NLRP1: variants seen among roughly 807,000 people sequenced by gnomAD.
The protein encoded by NLRP1 is NLR family pyrin domain containing 1, also known as NACHT, LRR and PYD domains-containing protein 1.
NLRP1 carries 94 observed loss-of-function variants against 136.7 expected under a neutral mutation model. That is an observed-to-expected ratio of 0.69 (90% CI 0.58 to 0.82). The LOEUF is 0.82. NLRP1 is among the 40% of genes least tolerant of loss of function. The pLI is 0.00. For missense variants in NLRP1, 1,575 were observed against 1,802.7 expected (o/e 0.87, Z 2.29); for synonymous variants, 690 against 725.1 (o/e 0.95, Z 0.78).
At chr17:5,552,690 C>T (rs1049904107) in intron 5 of NLRP1, among the ~76,000 whole-genome samples, 15 of 152,192 alleles carry the variant, frequency 9.9e-5, no homozygotes, top group African/African-American at 3.6e-4. Context: ...AGCTCTCTTA[C>T]ATCTAGCCAC....
Position 5,517,930 on chromosome 17 carries a change from A to G in NLRP1, c.3916-43T>C, listed in dbSNP as rs199667505. 64 of 1,608,238 alleles carry G rather than the reference A, an allele frequency of 4.0e-5. No homozygotes were observed. In the South Asian group the frequency reaches 4.7e-4, roughly 12 times the overall value. On this transcript the variant is annotated intron_variant, in intron 14 of 16. Transcript: ENST00000572272. ...TGAGTTGCCACCCTGTTCATCTTGC[A>G]TGGAAGGTCTTTCCCCACCTGACAC...
chr17:5,561,903 CA>C (rs1914796969), intron 3 of NLRP1, among the ~76,000 whole-genome samples: 1 of 152,210 alleles, frequency 6.6e-6, no homozygotes, highest in South Asian at 2.1e-4. Flanking sequence ...ACTCAGCCAG[CA>C]GAGGCAAACT....
chr17:5,537,812 A>G lies in NLRP1; in HGVS notation c.2871-872T>C, dbSNP rs547594664. On this transcript the variant is annotated intron_variant, in intron 7 of 16. Transcript: ENST00000572272. The surrounding 1 kb of genome is among the most constrained non-coding windows in gnomAD (Gnocchi z 4.5). ...AGAAGCAGCCCAGGTTTGACAGGTA[A>G]GTGTTGAGCTGGGGCCTGAAGCCAT... Among the ~76,000 whole-genome samples, 15 of 152,276 alleles carry G rather than the reference A, an allele frequency of 9.9e-5. No homozygotes were observed. Among genetic ancestry groups the G allele is most frequent in the South Asian group, 6.2e-4 (3 of 4,826 alleles).
At chr17:5,528,013 C>T (rs912962941) in intron 12 of NLRP1, among the ~76,000 whole-genome samples, 1 of 152,238 alleles carries the variant, frequency 6.6e-6, no homozygotes, top group Admixed American at 6.5e-5. Context: ...GTGGTACATT[C>T]TGGCTCCAGA....
rs544917126 is a variant in NLRP1 at position 5,536,742 on chromosome 17, T to C, written c.2960+109A>G. 44 of 717,282 alleles carry C rather than the reference T, an allele frequency of 6.1e-5. No individual in the cohort carries two copies. The African/African-American group carries it at 7.1e-4, about 12-fold the overall frequency. The allele number at this position is 717,282 out of a possible 1,614,324, so 44.4% of individuals were successfully genotyped here. On this transcript the variant is annotated intron_variant, in intron 8 of 16. Transcript: ENST00000572272. ...GCACCTCACTCTGGCTGCTGTGGTG[T>C]CTGGGTTTCTCCCTGGCTGTGTTTG... is the stretch of plus-strand genomic sequence containing the variant.
chr17:5,515,086 A>G lies in NLRP1; in HGVS notation c.4103-13T>C, dbSNP rs750462806. 1 of 1,611,762 alleles carries G rather than the reference A, an allele frequency of 6.2e-7. No individual in the cohort carries two copies. Among genetic ancestry groups the G allele is most frequent in the Admixed American group, 1.7e-5 (1 of 59,990 alleles). ...GGTGAAGGTACGGCTGGCAACGAAC[A>G]AAGAAGGGCTCCAACCACAGCCTCC... On this transcript the variant is annotated splice_polypyrimidine_tract_variant and intron_variant, in intron 16 of 16. Coordinates refer to ENST00000572272, the MANE Select transcript of NLRP1 (RefSeq NM_033004.4).
chr17:5,558,992 G>C lies in NLRP1; in HGVS notation c.1704C>G (p.Leu568=), dbSNP rs781689272. 53 of 1,614,176 alleles carry C rather than the reference G, an allele frequency of 3.3e-5. No individual in the cohort carries two copies. The highest frequency in any genetic ancestry group is 4.5e-5 in the Non-Finnish European group (53 of 1,180,022). ...ALQAQPLGPQ[L]RDLCSLAAEG... ...CAGCAGCCAGAGAGCAGAGGTCTCT[G>C]AGCTGGGGTCCCAATGGCTGAGCTT... is the stretch of plus-strand genomic sequence containing the variant. The change falls in exon 4 of 17, where the codon CTC becomes CTG. Residue 568 remains leucine, a synonymous_variant. Coordinates refer to ENST00000572272, the MANE Select transcript of NLRP1 (RefSeq NM_033004.4).
chr17:5,535,256 C>CAG (rs1247065801), intron 8 of NLRP1, among the ~76,000 whole-genome samples: 1 of 151,976 alleles, frequency 6.6e-6, no homozygotes. Flanking sequence ...GGCCCCACCC[C>CAG]AGAGATTCTG....
intron 3 of NLRP1, 93 bp downstream of exon 3, chr17:5,581,766 C>A: frequency 9.5e-7 from 1 of 1,052,654 alleles, no homozygotes; most frequent in Non-Finnish European, 1.5e-6. Context: ...AGAACCTCTG[C>A]TTAGCCTGCC....
At chr17:5,517,946 C>T in intron 14 of NLRP1, 59 bp from the exon 15 acceptor site, 1 of 1,569,218 alleles carries the variant, frequency 6.4e-7, no homozygotes, top group Non-Finnish European at 8.7e-7. Context: ...GGTCTTTCCC[C>T]ACCTGACACC....
chr17:5,584,328 T>C lies in NLRP1; in HGVS notation c.-371A>G. ...TCCTCAGATTCTTCCCTCTCCTGGG[T>C]CCTGGACTCCTGAGATCAACCCTTG... On this transcript the variant is annotated 5_prime_UTR_variant, in exon 1 of 17. Coordinates refer to ENST00000572272, the MANE Select transcript of NLRP1 (RefSeq NM_033004.4). 1 of 271,878 alleles carries C rather than the reference T, an allele frequency of 3.7e-6. No individual in the cohort carries two copies. Among genetic ancestry groups the C allele is most frequent in the Non-Finnish European group, 7.2e-6 (1 of 139,770 alleles). 16.8% of individuals were successfully genotyped at this position (271,878 alleles called of 1,614,324 possible).
intron 3 of NLRP1, among the ~76,000 whole-genome samples, chr17:5,562,228 C>T (rs532597777): frequency 2.0e-5 from 3 of 152,356 alleles, no homozygotes; most frequent in South Asian, 2.1e-4. Context: ...CAGCTGATTA[C>T]GTGACCCCAC....
At position 5,561,492 on chromosome 17, in the gene NLRP1, G is replaced by A. The variant is rs1323795403; in HGVS notation, c.653-1449C>T. Among the ~76,000 whole-genome samples the A allele has an allele frequency of 5.3e-5, 2 of 37,870 alleles. 1 individual carries two copies. The highest frequency in any genetic ancestry group is 1.1e-4 in the Non-Finnish European group (2 of 17,428). The allele number at this position is 37,870 out of a possible 152,430, so 24.8% of individuals were successfully genotyped here. ...CGCTCTGTCGCCCAGGCCGGACTGC[G>A]GACTGCAGTGGCGCAATCTCAGCTC... On this transcript the variant is annotated intron_variant, in intron 3 of 16. Coordinates refer to ENST00000572272, the MANE Select transcript of NLRP1 (RefSeq NM_033004.4).
intron 3 of NLRP1, among the ~76,000 whole-genome samples, chr17:5,562,045 G>C (rs565422540): frequency 2.6e-5 from 4 of 152,146 alleles, no homozygotes; most frequent in African/African-American, 9.6e-5. Context: ...ATCCGGCTGA[G>C]GGGTGCAGCC....
chr17:5,505,263 GC>G, intron 15 of NLRP1: 1 of 152,612 alleles, frequency 6.6e-6, no homozygotes, highest in Non-Finnish European at 1.5e-5. Flanking sequence ...TCAGCTGCCT[GC>G]CCCACCCTGA....
rs1457135489 is a variant in NLRP1 at position 5,541,463 on chromosome 17, G to A, written c.2699+394C>T. 6.6e-6 allele frequency among the ~76,000 whole-genome samples: 1 copy of A among 152,186 alleles called. No homozygotes were observed. The highest frequency in any genetic ancestry group is 1.5e-5 in the Non-Finnish European group (1 of 68,028). Reference sequence around the variant, plus strand: ...GGCAGAACCCCATGCCAAGTAAGAGGACCTGTTACTAGGCAGATCACAGCT... The same window carrying A: ...GGCAGAACCCCATGCCAAGTAAGAGAACCTGTTACTAGGCAGATCACAGCT... On this transcript the variant is annotated intron_variant, in intron 6 of 16. Transcript: ENST00000572272. The surrounding 1 kb of genome is among the most constrained non-coding windows in gnomAD (Gnocchi z 4.2).
chr17:5,559,583 C>T lies in NLRP1; in HGVS notation c.1113G>A (p.Glu371=), dbSNP rs182752748. Residue 371 remains glutamate, a synonymous_variant, in exon 4 of 17, where the codon GAG becomes GAA. Coordinates refer to ENST00000572272, the MANE Select transcript of NLRP1 (RefSeq NM_033004.4). ...GACTCACCACCTTGGACTGGGCCAG[C>T]TCTCTGCAGCTGAAGTAGAAGACAT... The part of the protein sequence containing the change: ...FQHVFYFSCR[E]LAQSKVVSLA... 1.7e-4 allele frequency: 282 copies of T among 1,614,234 alleles called. 1 individual carries two copies. In the East Asian group the frequency reaches 5.8e-3, roughly 33 times the overall value.
In NLRP1 at chr17:5,564,734, G is replaced by GTTTTTTTT. The variant is rs59428190; in HGVS notation, c.653-4699_653-4692dup. Reference sequence around the variant, plus strand: ...GCAGTGAGATTGCTCAATTTTTAGTGTTTTTTTTTTTTTTTTTTTTTTAGA... The same window carrying GTTTTTTTT: ...GCAGTGAGATTGCTCAATTTTTAGTGTTTTTTTTTTTTTTTTTTTTTTTTTTTTTTAGA... On this transcript the variant is annotated intron_variant, in intron 3 of 16. Coordinates refer to ENST00000572272, the MANE Select transcript of NLRP1 (RefSeq NM_033004.4). 4.6e-4 allele frequency among the ~76,000 whole-genome samples: 45 copies of GTTTTTTTT among 97,818 alleles called. 2 individuals carry two copies. The highest frequency in any genetic ancestry group is 1.7e-3 in the African/African-American group (40 of 23,996). 64.2% of individuals were successfully genotyped at this position (97,818 alleles called of 152,430 possible).
In NLRP1 at chr17:5,516,069, T is replaced by C. The variant is rs1197068078; in HGVS notation, c.4058-552A>G. On this transcript the variant is annotated intron_variant, in intron 15 of 16. Transcript: ENST00000572272. ...CAGACAACGACAAAAATGAAGGGACTTAAAAATTGCTTTGCAAAGGAGAGA... is the reference window on the plus strand; with the variant it reads ...CAGACAACGACAAAAATGAAGGGACCTAAAAATTGCTTTGCAAAGGAGAGA... Among the ~76,000 whole-genome samples, 2 of 140,786 alleles carry C rather than the reference T, an allele frequency of 1.4e-5. 1 individual carries two copies. The highest frequency in any genetic ancestry group is 3.2e-5 in the Non-Finnish European group (2 of 62,174). 92.4% of individuals were successfully genotyped at this position (140,786 alleles called of 152,430 possible). A position where few individuals can be genotyped will look rare whatever the true frequency, so the allele number is the denominator to read the frequency against.
Sources: gnomAD v4.1 joint callset for allele counts (sites outside exome capture counted in the v4.1 genomes callset) on GRCh38, gnomAD v4.1.1 for gene constraint, Gnocchi (gnomAD v3.1) non-coding constraint, MANE v1.5 for transcripts, NCBI Gene and HGNC (gene_info 2026-07-23, HGNC 2026-07-21) for gene names.